Variants in ATP6V0E1 observed in about 807,000 individuals in gnomAD.
The protein encoded by ATP6V0E1 is ATPase H+ transporting V0 subunit e1, also known as V-type proton ATPase subunit e 1.
A neutral mutation model predicts 11.6 loss-of-function variants in ATP6V0E1; 4 were observed. The observed-to-expected ratio is 0.35, with a 90% CI of 0.17 to 0.79. The LOEUF is 0.79. ATP6V0E1 is among the 30% of genes least tolerant of loss of function. The pLI, the probability that ATP6V0E1 is intolerant of heterozygous loss-of-function variation, is 0.54. For missense variants in ATP6V0E1, 105 were observed against 100.0 expected, an observed-to-expected ratio of 1.05 and a Z score of -0.21; for synonymous variants, 36 against 34.8, an observed-to-expected ratio of 1.04 and a Z score of -0.13.
At chr5:172,990,946 G>GT (rs1277079738) in intron 1 of ATP6V0E1, among the ~76,000 whole-genome samples, 3 of 151,078 alleles carry the variant, frequency 2.0e-5, no homozygotes, top group Non-Finnish European at 4.4e-5. Context: ...CACCATACCT[G>GT]TTTTTTTGTT....
rs1217445409 is a variant in ATP6V0E1, at chr5:173,034,390, G to A, written c.*37-9G>A. ...GAGGACCAGTTACCAGAATGGTTTT[G>A]TTTTGCAGGTCACGAGAAGAGAATG... On this transcript the variant is annotated splice_polypyrimidine_tract_variant and intron_variant, in intron 3 of 3. Transcript: ENST00000519374. 1.1e-5 allele frequency: 8 copies of A among 702,796 alleles called. No homozygotes were observed. The highest frequency in any genetic ancestry group is 2.1e-5 in the Non-Finnish European group (8 of 384,976). 43.5% of individuals were successfully genotyped at this position (702,796 alleles called of 1,614,324 possible).
intron 2 of ATP6V0E1, among the ~76,000 whole-genome samples, chr5:173,011,270 C>G (rs73329278): frequency 0.021 from 3,161 of 151,034 alleles, 101 homozygotes; most frequent in African/African-American, 0.072. Flanking sequence ...CAGCCTTGAC[C>G]TCCGGCCAGT....
chr5:173,033,844 C>T (rs1756700701), intron 3 of ATP6V0E1, among the ~76,000 whole-genome samples: 2 of 150,648 alleles, frequency 1.3e-5, no homozygotes, highest in African/African-American at 2.4e-5. Flanking sequence ...ACCCTGTGTC[C>T]GAAAAAAACA....
At chr5:173,031,815 T>G (rs1756661143) in intron 3 of ATP6V0E1, among the ~76,000 whole-genome samples, 1 of 119,180 alleles carries the variant, frequency 8.4e-6, no homozygotes, top group Non-Finnish European at 1.6e-5. Context: ...AGAGCGAGAC[T>G]CTGCCTCAAA....
intron 2 of ATP6V0E1, among the ~76,000 whole-genome samples, chr5:173,005,677 G>A (rs1010682502): frequency 3.3e-5 from 5 of 151,958 alleles, no homozygotes; most frequent in Admixed American, 2.6e-4. Context: ...ACATCTGCAC[G>A]TTATTATTTC....
chr5:172,991,389 G>A (rs1015580412), intron 1 of ATP6V0E1, among the ~76,000 whole-genome samples: 3 of 152,168 alleles, frequency 2.0e-5, no homozygotes, highest in East Asian at 3.8e-4. Context: ...ATATTAAGCA[G>A]GTAATACAAA....
intron 2 of ATP6V0E1, among the ~76,000 whole-genome samples, chr5:172,995,628 T>G (rs1756053371): frequency 6.6e-6 from 1 of 152,096 alleles, no homozygotes; most frequent in East Asian, 1.9e-4. Flanking sequence ...TTCTTTCAAT[T>G]TAGGTTTTTG....
chr5:173,000,539 G>A (rs1756136222), intron 2 of ATP6V0E1, among the ~76,000 whole-genome samples: 1 of 152,034 alleles, frequency 6.6e-6, no homozygotes. Context: ...TCATGATATA[G>A]GAAAATAAAT....
At chr5:172,990,404 C>T (rs1581623898) in intron 1 of ATP6V0E1, among the ~76,000 whole-genome samples, 1 of 152,128 alleles carries the variant, frequency 6.6e-6, no homozygotes. Context: ...GCTTCCTAAC[C>T]AGTAGATGTG....
intron 2 of ATP6V0E1, among the ~76,000 whole-genome samples, chr5:173,007,924 A>T (rs1756253335): frequency 6.6e-6 from 1 of 152,198 alleles, no homozygotes; most frequent in African/African-American, 2.4e-5. Context: ...CCTTCAAGGC[A>T]TGTATGCCGG....
chr5:173,030,747 T>TTTTG (rs111879491), intron 3 of ATP6V0E1, among the ~76,000 whole-genome samples: 3,174 of 151,548 alleles, frequency 0.021, 109 homozygotes, highest in African/African-American at 0.072. Flanking sequence ...ATTGGCAGGT[T>TTTTG]TTTGTTTGTT....
chr5:173,033,610 G>A (rs1192283312), intron 3 of ATP6V0E1, among the ~76,000 whole-genome samples: 1 of 152,064 alleles, frequency 6.6e-6, no homozygotes, highest in Non-Finnish European at 1.5e-5. Context: ...TGGGAGGCGA[G>A]GATGGGCACA....
chr5:173,003,901 G>A (rs1311663474), intron 2 of ATP6V0E1, among the ~76,000 whole-genome samples: 1 of 152,164 alleles, frequency 6.6e-6, no homozygotes, highest in African/African-American at 2.4e-5. Context: ...TAAGGCAGTG[G>A]TTCTTTGCTG....
At chr5:173,026,380 G>A (rs1756558646) in intron 3 of ATP6V0E1, among the ~76,000 whole-genome samples, 1 of 152,036 alleles carries the variant, frequency 6.6e-6, no homozygotes, top group Non-Finnish European at 1.5e-5. Context: ...TCAATTTATT[G>A]TATTTTTTTC....
At chr5:173,011,975 G>A (rs1277088307) in intron 2 of ATP6V0E1, among the ~76,000 whole-genome samples, 4 of 152,070 alleles carry the variant, frequency 2.6e-5, no homozygotes, top group East Asian at 1.9e-4. Context: ...AAAGCTCAGC[G>A]GGTTAGGGGG....
At chr5:173,012,095 G>T (rs1003389734) in intron 2 of ATP6V0E1, among the ~76,000 whole-genome samples, 2 of 148,540 alleles carry the variant, frequency 1.3e-5, no homozygotes, top group African/African-American at 5.0e-5. Flanking sequence ...GCAGTGGCCC[G>T]ATCTCAGCTC....
At chr5:173,029,361 C>T (rs543057217) in intron 3 of ATP6V0E1, among the ~76,000 whole-genome samples, 1 of 152,234 alleles carries the variant, frequency 6.6e-6, no homozygotes, top group South Asian at 2.1e-4. Context: ...CATAGTTTTC[C>T]TTGTCAGGGT....
At chr5:173,015,734 TGTTA>T (rs1270416242) in intron 2 of ATP6V0E1, among the ~76,000 whole-genome samples, 1 of 152,176 alleles carries the variant, frequency 6.6e-6, no homozygotes, top group Non-Finnish European at 1.5e-5. Flanking sequence ...TAGTATCTTT[TGTTA>T]GTTTGTTTGA....
chr5:172,984,051 C>T, intron 1 of ATP6V0E1, 87 bp downstream of exon 1: 1 of 1,324,360 alleles, frequency 7.6e-7, no homozygotes, highest in Non-Finnish European at 1.1e-6. Flanking sequence ...CCACACGGGT[C>T]AGAGAACGTT....
Sources: allele counts gnomAD v4.1 joint callset (sites outside exome capture counted in the v4.1 genomes callset), GRCh38; gene constraint gnomAD v4.1.1; transcripts MANE v1.5; gene names NCBI Gene and HGNC (gene_info 2026-07-23, HGNC 2026-07-21).